The following LIN54 variants were observed in gnomAD, a reference collection of about 807,000 sequenced individuals.
LIN54 encodes protein lin-54 homolog.
Under a neutral mutation model 78.7 loss-of-function variants are expected in LIN54, and 9 were observed. That is an observed-to-expected ratio of 0.11 (90% CI 0.07 to 0.20). The LOEUF (loss-of-function observed/expected upper bound fraction) is 0.20. Among genes scored for constraint, LIN54 ranks in the 10% least tolerant of loss-of-function variants. The pLI is 1.00. For synonymous variants in LIN54, 269 were observed against 318.4 expected (o/e 0.84, Z 1.65); for missense variants, 573 against 889.9 (o/e 0.64, Z 4.53).
intron 1 of LIN54, among the ~76,000 whole-genome samples, chr4:83,007,510 G>T (rs1012582787): frequency 6.6e-6 from 1 of 151,976 alleles, no homozygotes; most frequent in African/African-American, 2.4e-5. Context: ...ATAGTTATGA[G>T]GTATGCTGTA....
chr4:82,986,272 C>G (rs62311668), intron 1 of LIN54, among the ~76,000 whole-genome samples: 1 of 151,772 alleles, frequency 6.6e-6, no homozygotes, highest in Non-Finnish European at 1.5e-5. Context: ...TGTGCCACCA[C>G]GCCCAGCTAA....
chr4:82,990,773 G>A (rs376307178), intron 1 of LIN54, among the ~76,000 whole-genome samples: 110 of 152,232 alleles, frequency 7.2e-4, no homozygotes, highest in African/African-American at 2.6e-3. Context: ...GTGAGCCACC[G>A]CGCCCAGCCA....
chr4:82,976,242 C>T (rs1375664392), intron 3 of LIN54, among the ~76,000 whole-genome samples: 1 of 152,072 alleles, frequency 6.6e-6, no homozygotes, highest in African/African-American at 2.4e-5. Context: ...AAGAAATGAA[C>T]AAGGCCAAGA....
chr4:83,001,361 G>A (rs1728752769), intron 1 of LIN54, among the ~76,000 whole-genome samples: 3 of 151,626 alleles, frequency 2.0e-5, no homozygotes, highest in Admixed American at 2.0e-4. Flanking sequence ...AGTAACCTGG[G>A]CAACCTAGTG....
intron 4 of LIN54, among the ~76,000 whole-genome samples, chr4:82,967,617 G>GC (rs1466747280): frequency 6.6e-6 from 1 of 152,212 alleles, no homozygotes; most frequent in Admixed American, 6.5e-5. Flanking sequence ...GGAATGAAGA[G>GC]CTAAAGGGAG....
At chr4:82,937,857 G>GC (rs1404573468) in intron 8 of LIN54, among the ~76,000 whole-genome samples, 3 of 152,180 alleles carry the variant, frequency 2.0e-5, no homozygotes, top group Non-Finnish European at 4.4e-5. Context: ...TTGGGCAGGT[G>GC]CAGTGGCTTA....
chr4:82,998,370 C>G (rs1156856521), intron 1 of LIN54, among the ~76,000 whole-genome samples: 1 of 151,840 alleles, frequency 6.6e-6, no homozygotes, highest in Non-Finnish European at 1.5e-5. Context: ...TAGTGAAACC[C>G]CGTCTCTACT....
intron 1 of LIN54, among the ~76,000 whole-genome samples, chr4:82,990,641 G>A (rs936091216): frequency 2.6e-5 from 4 of 151,892 alleles, no homozygotes; most frequent in East Asian, 1.9e-4. Flanking sequence ...CCGCCACCAC[G>A]CCCGGCTAAT....
At chr4:82,991,675 T>G (rs1727724340) in intron 1 of LIN54, among the ~76,000 whole-genome samples, 1 of 152,210 alleles carries the variant, frequency 6.6e-6, no homozygotes, top group African/African-American at 2.4e-5. Flanking sequence ...TTTCCCAATT[T>G]GATGAGGTTT....
At chr4:82,990,774 C>T (rs1245134585) in intron 1 of LIN54, among the ~76,000 whole-genome samples, 1 of 152,178 alleles carries the variant, frequency 6.6e-6, no homozygotes, top group Non-Finnish European at 1.5e-5. Flanking sequence ...TGAGCCACCG[C>T]GCCCAGCCAG....
intron 4 of LIN54, among the ~76,000 whole-genome samples, chr4:82,955,071 A>G (rs1724173398): frequency 6.6e-6 from 1 of 152,198 alleles, no homozygotes; most frequent in Non-Finnish European, 1.5e-5. Context: ...TTAAAAATAC[A>G]CTGTTAAAAG....
chr4:82,967,656 A>G (rs960201930), intron 4 of LIN54, among the ~76,000 whole-genome samples: 5 of 152,212 alleles, frequency 3.3e-5, no homozygotes, highest in African/African-American at 1.2e-4. Context: ...AGAGTACACC[A>G]TATCCCTGAC....
Position 82,938,488 on chromosome 4 carries a change from T to A in LIN54, c.1457A>T (p.Tyr486Phe). The A allele has an allele frequency of 6.2e-7, 1 of 1,603,564 alleles. No homozygotes were observed. Among genetic ancestry groups the A allele is most frequent in the East Asian group, 2.2e-5 (1 of 44,810 alleles). Residue 486 changes from tyrosine to phenylalanine, a missense_variant, in exon 8 of 13, where the codon TAT (tyrosine) becomes TTT (phenylalanine). Physicochemically the swap from Tyr to Phe is conservative, Grantham distance 22 (BLOSUM62 3). Transcript: ENST00000340417. ...QYVTQLQQSSYVSIASNSTFT... is the reference protein window; with the variant it reads ...QYVTQLQQSSFVSIASNSTFT... ...GGTAGAGTTGCTTGCTATTGATACATATGAAGACTGCTGTAGCTACATGTA... is the reference window on the plus strand; with the variant it reads ...GGTAGAGTTGCTTGCTATTGATACAAATGAAGACTGCTGTAGCTACATGTA...
At chr4:83,008,582 G>T (rs918874280) in intron 1 of LIN54, among the ~76,000 whole-genome samples, 1 of 152,210 alleles carries the variant, frequency 6.6e-6, no homozygotes, top group African/African-American at 2.4e-5. Context: ...AACCCAGGAC[G>T]CGGAGCTTGC....
chr4:82,938,314 G>C (rs1483882613), intron 8 of LIN54, 99 bp downstream of exon 8: 2 of 717,680 alleles, frequency 2.8e-6, no homozygotes, highest in Non-Finnish European at 4.9e-6. Flanking sequence ...ATGGCTTTAA[G>C]GGGAAAAAAA....
chr4:82,946,331 A>T lies in LIN54; in HGVS notation c.1095T>A (p.Thr365=), dbSNP rs1273524349. 1 of 1,614,242 alleles carries T rather than the reference A, an allele frequency of 6.2e-7. No individual in the cohort carries two copies. Among genetic ancestry groups the T allele is most frequent in the East Asian group, 2.2e-5 (1 of 44,892 alleles). ...GGGTTGAGCTACTGGCTGATGTGGC[A>T]GTAACAAGTCGGACATAATGAAACT... is the stretch of plus-strand genomic sequence containing the variant. The part of the protein sequence containing the change: ...GSKFHYVRLV[T]ATSASSSTQP... The change falls in exon 5 of 13, where the codon ACT becomes ACA. Residue 365 remains threonine, a synonymous_variant. Transcript: ENST00000340417.
intron 4 of LIN54, 117 bp downstream of exon 4, chr4:82,970,210 T>C (rs1203533481): frequency 6.5e-6 from 6 of 922,584 alleles, no homozygotes; most frequent in Admixed American, 5.1e-5. Context: ...CCAGTATTCA[T>C]TGAATGTCTA....
chr4:83,007,630 G>A (rs1356890039), intron 1 of LIN54, among the ~76,000 whole-genome samples: 4 of 152,214 alleles, frequency 2.6e-5, no homozygotes, highest in Admixed American at 2.6e-4. Flanking sequence ...GCTAACGCCT[G>A]TAACCTCAAC....
chr4:82,983,011 T>G (rs1000348871), intron 2 of LIN54, among the ~76,000 whole-genome samples: 12 of 150,580 alleles, frequency 8.0e-5, no homozygotes, highest in African/African-American at 2.9e-4. Context: ...TTTCTTGTTT[T>G]TTTTTTTTTT....
Sources: gnomAD v4.1 joint callset for allele counts (sites outside exome capture counted in the v4.1 genomes callset) on GRCh38, gnomAD v4.1.1 for gene constraint, MANE v1.5 for transcripts, NCBI Gene and HGNC (gene_info 2026-07-23, HGNC 2026-07-21) for gene names.